Variants in BSCL2 observed in about 807,000 individuals in gnomAD.
BSCL2 encodes seipin.
BSCL2 carries 41 observed loss-of-function variants against 57.4 expected under a neutral mutation model. That is an observed-to-expected ratio of 0.71 (90% CI 0.56 to 0.93). The LOEUF is 0.93. BSCL2 is among the 40% of genes least tolerant of loss of function. The pLI is 0.00. For missense variants in BSCL2, 539 were observed against 586.7 expected, an observed-to-expected ratio of 0.92 and a Z score of 0.84; for synonymous variants, 237 against 227.3, an observed-to-expected ratio of 1.04 and a Z score of -0.38.
chr11:62,694,509 A>C, intron 4 of BSCL2, 59 bp downstream of exon 4: 1 of 1,612,140 alleles, frequency 6.2e-7, no homozygotes, highest in Non-Finnish European at 8.5e-7. Flanking sequence ...CCAGCCCCCT[A>C]CCCATTCTGA....
At chr11:62,704,128 A>G (rs1945739084) in intron 2 of BSCL2, among the ~76,000 whole-genome samples, 1 of 147,914 alleles carries the variant, frequency 6.8e-6, no homozygotes, top group Non-Finnish European at 1.5e-5. Context: ...CTGTCTCAAA[A>G]AGAAAAAAAA....
In BSCL2 at chr11:62,690,444, G is replaced by C. The variant is rs763972632; in HGVS notation, c.1312C>G (p.Pro438Ala). The change falls in exon 11 of 11, where the codon CCT becomes GCT. Residue 438 changes from proline (P) to alanine (A), a missense_variant. Physicochemically the swap from Pro to Ala is conservative, Grantham distance 27. Transcript: ENST00000360796. ...PAPAPASASA[P>A]VLETLGSSEP... is the part of the protein sequence containing the mutation. ...GAGCTGCCCAGAGTCTCTAGGACAG[G>C]GGCAGAAGCAGAAGCAGGAGCAGGA... The C allele has an allele frequency of 6.2e-7, 1 of 1,614,166 alleles. No individual in the cohort carries two copies. The highest frequency in any genetic ancestry group is 1.7e-5 in the Admixed American group (1 of 59,996).
chr11:62,699,491 CAGTCA>C (rs1383413498), intron 3 of BSCL2, among the ~76,000 whole-genome samples: 1 of 152,110 alleles, frequency 6.6e-6, no homozygotes, highest in Non-Finnish European at 1.5e-5. Context: ...CCACTGTGCC[CAGTCA>C]AGTCATTTAT....
At chr11:62,698,490 G>C (rs1021331948) in intron 3 of BSCL2, among the ~76,000 whole-genome samples, 1 of 152,314 alleles carries the variant, frequency 6.6e-6, no homozygotes, top group South Asian at 2.1e-4. Context: ...GAGCCACTAT[G>C]CCTGGCCAGA....
intron 3 of BSCL2, among the ~76,000 whole-genome samples, chr11:62,699,187 G>C (rs1206311762): frequency 6.6e-6 from 1 of 150,538 alleles, no homozygotes; most frequent in Non-Finnish European, 1.5e-5. Context: ...ACAGGCGTGA[G>C]CCACCACGCT....
chr11:62,699,978 G>C (rs569296201), intron 3 of BSCL2, among the ~76,000 whole-genome samples: 1 of 151,074 alleles, frequency 6.6e-6, no homozygotes, highest in Non-Finnish European at 1.5e-5. Context: ...CACCACACCC[G>C]GTTATAATCC....
chr11:62,706,427 C>A, intron 1 of BSCL2: 1 of 533,418 alleles, frequency 1.9e-6, no homozygotes, highest in Non-Finnish European at 2.9e-6. Context: ...TCCCGAGCTG[C>A]GAGGTCGCTG....
intron 3 of BSCL2, among the ~76,000 whole-genome samples, chr11:62,696,726 T>C (rs1465365446): frequency 3.3e-5 from 5 of 152,080 alleles, no homozygotes; most frequent in South Asian, 4.2e-4. Flanking sequence ...CCCAGCTAAT[T>C]TTTTATTTTT....
In BSCL2 at chr11:62,691,338, A is replaced by C. The variant is rs1470975752; in HGVS notation, c.947T>G (p.Phe316Cys). 3.1e-6 allele frequency: 5 copies of C among 1,614,190 alleles called. No individual in the cohort carries two copies. The highest frequency in any genetic ancestry group is 4.2e-6 in the Non-Finnish European group (5 of 1,180,026). Residue 316 changes from phenylalanine (F) to cysteine (C), a missense_variant, in exon 7 of 11, where the codon TTC becomes TGC. Around this residue, in one of 3 missense-constraint regions of BSCL2, gnomAD observed 248 missense variants for 239.9 expected, o/e 1.03. Coordinates refer to ENST00000360796, the MANE Select transcript of BSCL2 (RefSeq NM_001122955.4). ...CCCCCACACCCACTGCATGTAGCTGAAGAGCACGATGACGCTGAGGAAGGT... is the reference window on the plus strand; with the variant it reads ...CCCCCACACCCACTGCATGTAGCTGCAGAGCACGATGACGCTGAGGAAGGT... The part of the protein sequence containing the change: ...NFTFLSVIVL[F>C]SYMQWVWGGI...
At chr11:62,694,251 G>A (rs906344464) in intron 4 of BSCL2, among the ~76,000 whole-genome samples, 3 of 144,906 alleles carry the variant, frequency 2.1e-5, no homozygotes, top group African/African-American at 5.2e-5. Context: ...TTGCCCAGGA[G>A]GGAGAATAGT....
At chr11:62,706,484 G>A (rs1451718255) in intron 1 of BSCL2, 1 of 401,500 alleles carries the variant, frequency 2.5e-6, no homozygotes, top group Non-Finnish European at 4.8e-6. Flanking sequence ...GTTTCCCTCC[G>A]GTTACCGTGA....
rs1199275011 is a variant in BSCL2, at chr11:62,690,341, G to T, written c.*26C>A. The T allele has an allele frequency of 6.2e-7, 1 of 1,613,618 alleles. No individual in the cohort carries two copies. The highest frequency in any genetic ancestry group is 1.1e-5 in the South Asian group (1 of 91,056). ...AGAGGAGTCAGGTGGGAAAGTGCTG[G>T]AATGTGAGGAGTCTGCCCCTTTTCT... is the stretch of plus-strand genomic sequence containing the variant. On this transcript the variant is annotated 3_prime_UTR_variant, in exon 11 of 11. Transcript: ENST00000360796.
upstream of BSCL2, chr11:62,708,894 C>T (rs770513284): frequency 1.1e-4 from 111 of 983,694 alleles, no homozygotes; most frequent in Non-Finnish European, 1.6e-4. Context: ...CCTTAGGCTC[C>T]TTGCATCCCA....
intron 2 of BSCL2, 76 bp downstream of exon 2, chr11:62,705,225 G>A: frequency 3.5e-6 from 5 of 1,413,832 alleles, no homozygotes; most frequent in Non-Finnish European, 4.9e-6. Flanking sequence ...GTAAATGAGG[G>A]GATTGAACTG....
intron 5 of BSCL2, 34 bp from the exon 6 acceptor site, chr11:62,692,507 C>T: frequency 6.2e-7 from 1 of 1,611,508 alleles, no homozygotes; most frequent in Non-Finnish European, 8.5e-7. Flanking sequence ...GGCGTCAGGC[C>T]AGGGTCCTGC....
intron 3 of BSCL2, among the ~76,000 whole-genome samples, chr11:62,700,084 T>TAAAAAAA (rs34412546): frequency 1.2e-4 from 10 of 80,220 alleles, no homozygotes; most frequent in East Asian, 3.8e-4. Context: ...TACTAAAAAT[T>TAAAAAAA]AAAAAAAAAA....
upstream of BSCL2, chr11:62,708,443 GC>G (rs1324316459): frequency 1.4e-6 from 2 of 1,390,272 alleles, no homozygotes; most frequent in Non-Finnish European, 2.0e-6. Flanking sequence ...GCTGTGCTGT[GC>G]TGCAGGTTCC....
intron 8 of BSCL2, 31 bp downstream of exon 8, chr11:62,691,042 CCA>C (rs763767743): frequency 6.2e-7 from 1 of 1,613,394 alleles, no homozygotes; most frequent in Non-Finnish European, 8.5e-7. Context: ...TCAACCTAGC[CCA>C]CCTCAACAGC....
At chr11:62,708,276 A>C, upstream of BSCL2, 2 of 1,515,688 alleles carry the variant, frequency 1.3e-6, no homozygotes, top group Non-Finnish European at 1.8e-6. Flanking sequence ...GTGCTCTGAG[A>C]GGTCCCTCTT....
Sources: allele counts gnomAD v4.1 joint callset (sites outside exome capture counted in the v4.1 genomes callset), GRCh38; gene constraint gnomAD v4.1.1; regional missense constraint gnomAD v4.1.1; transcripts MANE v1.5; gene names NCBI Gene and HGNC (gene_info 2026-07-23, HGNC 2026-07-21).